ELAVL2: variants seen among roughly 807,000 people sequenced by gnomAD.
The protein encoded by ELAVL2 is ELAV like RNA binding protein 2, also known as ELAV-like protein 2.
In ELAVL2, 4 loss-of-function variants were observed where a neutral mutation model predicts 34.6. That is an observed-to-expected ratio of 0.12 (90% CI 0.06 to 0.26). The LOEUF is 0.26. Ranked by LOEUF, ELAVL2 falls within the 10% of genes least tolerant of loss-of-function variation. The probability of loss-of-function intolerance (pLI) is 1.00; values close to 1 mark genes in which losing one functional copy is unlikely to be tolerated. For missense variants in ELAVL2, 432 were observed against 442.8 expected (o/e 0.98, Z 0.22); for synonymous variants, 193 against 154.8 (o/e 1.25, Z -1.83).
At chr9:23,753,011 T>C (rs181580888) in intron 2 of ELAVL2, among the ~76,000 whole-genome samples, 2 of 152,290 alleles carry the variant, frequency 1.3e-5, no homozygotes, top group East Asian at 3.9e-4. Context: ...AATATTTGAT[T>C]ACATTTCCCA....
At chr9:23,825,719 A>T (rs957764936) in intron 1 of ELAVL2, 87 bp downstream of exon 1, 3 of 152,246 alleles carry the variant, frequency 2.0e-5, no homozygotes, top group Non-Finnish European at 4.4e-5. Context: ...TTAACTTCAT[A>T]TTCTGTATTC....
At chr9:23,827,197 T>C (rs1413064139), upstream of ELAVL2, among the ~76,000 whole-genome samples, 1 of 152,222 alleles carries the variant, frequency 6.6e-6, no homozygotes, top group Non-Finnish European at 1.5e-5. Context: ...CACACATGTA[T>C]TGCTGACAGC....
upstream of ELAVL2, among the ~76,000 whole-genome samples, chr9:23,827,186 C>A (rs1312465542): frequency 5.9e-5 from 9 of 152,214 alleles, no homozygotes; most frequent in Admixed American, 5.9e-4. Flanking sequence ...AGTCCTTGGA[C>A]CACACATGTA....
At chr9:23,767,421 T>C (rs778319745) in intron 1 of ELAVL2, among the ~76,000 whole-genome samples, 3 of 152,138 alleles carry the variant, frequency 2.0e-5, no homozygotes, top group African/African-American at 2.4e-5. Flanking sequence ...CAAACTAAGG[T>C]AATCAGCTTC....
chr9:23,779,351 G>A, intron 1 of ELAVL2: 4 of 985,422 alleles, frequency 4.1e-6, no homozygotes, highest in Non-Finnish European at 4.8e-6. Context: ...CCTGCAGAAA[G>A]TCTTCAAAGG....
intron 2 of ELAVL2, among the ~76,000 whole-genome samples, chr9:23,732,308 G>C (rs567209198): frequency 2.6e-5 from 4 of 152,286 alleles, no homozygotes; most frequent in Non-Finnish European, 4.4e-5. Context: ...TAAACGAAAA[G>C]AGAAGGCTAA....
At chr9:23,822,254 C>T (rs1457371430) in intron 1 of ELAVL2, among the ~76,000 whole-genome samples, 1 of 152,104 alleles carries the variant, frequency 6.6e-6, no homozygotes, top group Admixed American at 6.5e-5. Flanking sequence ...TTTCCCCCTA[C>T]TTCGCAGCCA....
At chr9:23,717,108 T>C (rs1014528884) in intron 3 of ELAVL2, among the ~76,000 whole-genome samples, 1 of 152,238 alleles carries the variant, frequency 6.6e-6, no homozygotes, top group Admixed American at 6.5e-5. Context: ...CATCTACAGT[T>C]AAGTTTCCCT....
chr9:23,781,429 A>G (rs1385768420), intron 1 of ELAVL2, among the ~76,000 whole-genome samples: 1 of 152,174 alleles, frequency 6.6e-6, no homozygotes, highest in African/African-American at 2.4e-5. Context: ...GGAATTCTAC[A>G]ATATACTACG....
At chr9:23,761,868 T>G in intron 2 of ELAVL2, 138 bp downstream of exon 2, 2 of 1,193,474 alleles carry the variant, frequency 1.7e-6, no homozygotes, top group Non-Finnish European at 2.3e-6. Flanking sequence ...AGTTTCATAT[T>G]GCTGATGTAA....
chr9:23,715,241 C>T (rs532572141), intron 3 of ELAVL2, among the ~76,000 whole-genome samples: 1 of 152,272 alleles, frequency 6.6e-6, no homozygotes, highest in Admixed American at 6.5e-5. Flanking sequence ...CTCCACCTCC[C>T]GGGTTCACAC....
At chr9:23,802,416 T>C (rs1341720023) in intron 1 of ELAVL2, among the ~76,000 whole-genome samples, 1 of 152,210 alleles carries the variant, frequency 6.6e-6, no homozygotes, top group African/African-American at 2.4e-5. Context: ...TGATAGAATC[T>C]GGTCATAGCA....
chr9:23,811,129 C>A (rs3793595), intron 1 of ELAVL2, among the ~76,000 whole-genome samples: 28,436 of 152,026 alleles, frequency 0.19, 3,027 homozygotes, highest in Admixed American at 0.28. Context: ...ATTATTCACT[C>A]TAAAACCAAA....
chr9:23,693,384 C>G (rs1488498831), intron 6 of ELAVL2, 64 bp downstream of exon 6: 51 of 1,603,640 alleles, frequency 3.2e-5, no homozygotes, highest in East Asian at 4.5e-5. Flanking sequence ...ATAGCACTCC[C>G]AAAATCAAAG....
At chr9:23,707,036 T>G (rs538294813) in intron 3 of ELAVL2, among the ~76,000 whole-genome samples, 1 of 152,350 alleles carries the variant, frequency 6.6e-6, no homozygotes, top group South Asian at 2.1e-4. Flanking sequence ...AGCACTGTCC[T>G]GTTCTACAGA....
At chr9:23,695,156 C>A (rs938579696) in intron 5 of ELAVL2, among the ~76,000 whole-genome samples, 45 of 152,050 alleles carry the variant, frequency 3.0e-4, no homozygotes, top group African/African-American at 1.1e-3. Context: ...CAACTACCAG[C>A]AATAAAGACA....
chr9:23,820,137 G>A (rs1043718117), intron 1 of ELAVL2, among the ~76,000 whole-genome samples: 3 of 152,166 alleles, frequency 2.0e-5, no homozygotes, highest in Admixed American at 2.0e-4. Flanking sequence ...AAGCGACTCT[G>A]GCGAAACGAT....
intron 2 of ELAVL2, among the ~76,000 whole-genome samples, chr9:23,748,702 G>C (rs964802652): frequency 2.0e-5 from 3 of 152,078 alleles, no homozygotes; most frequent in African/African-American, 7.2e-5. Context: ...TCTTTTACGG[G>C]GAATGTGGCA....
intron 1 of ELAVL2, among the ~76,000 whole-genome samples, chr9:23,766,101 T>C (rs945551435): frequency 7.2e-5 from 11 of 152,304 alleles, no homozygotes; most frequent in Admixed American, 3.3e-4. Flanking sequence ...TTGATAATTA[T>C]AAAAATTTTA....
Sources: allele counts gnomAD v4.1 joint callset (sites outside exome capture counted in the v4.1 genomes callset), GRCh38; gene constraint gnomAD v4.1.1; transcripts MANE v1.5; gene names NCBI Gene and HGNC (gene_info 2026-07-23, HGNC 2026-07-21).